Variants in PTPRD observed in about 807,000 individuals in gnomAD.
PTPRD encodes the protein protein tyrosine phosphatase receptor type D.
Under a neutral mutation model 214.5 loss-of-function variants are expected in PTPRD, and 34 were observed. The ratio of observed to expected loss-of-function variants is 0.16; its 90% CI spans 0.12 to 0.21. The LOEUF (loss-of-function observed/expected upper bound fraction) is 0.21. PTPRD is among the 10% of genes least tolerant of loss of function. PTPRD has a pLI of 1.00. For missense variants in PTPRD, 2,545 were observed against 2,398.7 expected (o/e 1.06, Z -1.27); for synonymous variants, 1,128 against 845.7 (o/e 1.33, Z -5.79).
At chr9:8,592,173 G>T (rs2094154507) in intron 14 of PTPRD, among the ~76,000 whole-genome samples, 1 of 152,122 alleles carries the variant, frequency 6.6e-6, no homozygotes, top group Non-Finnish European at 1.5e-5. Flanking sequence ...GATTTGTCTT[G>T]ATACTAAACC....
Position 8,315,707 on chromosome 9 carries a change from G to T in PTPRD, c.*2167C>A, listed in dbSNP as rs1227003705. ...CAAATACAATGCTTGCAAATGTTTG[G>T]TCTCTTGGATTTCACTCTGCTAGCA... On this transcript the variant is annotated 3_prime_UTR_variant, in exon 46 of 46. Coordinates refer to ENST00000381196, the MANE Select transcript of PTPRD (RefSeq NM_002839.4). The T allele has an allele frequency of 8.8e-6, 2 of 227,964 alleles. No individual in the cohort carries two copies. The highest frequency in any genetic ancestry group is 1.3e-3 in the Middle Eastern group (1 of 786). The allele number at this position is 227,964 out of a possible 1,614,324, so 14.1% of individuals were successfully genotyped here. A position where few individuals can be genotyped will look rare whatever the true frequency, so the allele number is the denominator to read the frequency against.
chr9:9,518,803 A>G (rs1277537669), intron 8 of PTPRD, among the ~76,000 whole-genome samples: 1 of 152,030 alleles, frequency 6.6e-6, no homozygotes, highest in Admixed American at 6.6e-5. Flanking sequence ...AGTAAGAAAG[A>G]TTCACCTAGG....
rs371492705 is a variant in PTPRD, at chr9:8,498,759, G to T, written c.2322+888C>A. Among the ~76,000 whole-genome samples the T allele has an allele frequency of 1.6e-4, 25 of 152,200 alleles. No homozygotes were observed. In the South Asian group the frequency reaches 5.0e-3, roughly 30 times the overall value. ...TCTCATCACCATTTGACACAGCAAA[G>T]GTAAGCCAGTACATGAGTCATGTAC... On this transcript the variant is annotated intron_variant, in intron 25 of 45. Transcript: ENST00000381196.
At chr9:8,748,390 A>G (rs2093090085) in intron 11 of PTPRD, among the ~76,000 whole-genome samples, 1 of 152,146 alleles carries the variant, frequency 6.6e-6, no homozygotes, top group South Asian at 2.1e-4. Flanking sequence ...GCCTGAGAGC[A>G]CAGCAGGAGG....
At chr9:10,135,484 T>C (rs750338765) in intron 3 of PTPRD, among the ~76,000 whole-genome samples, 4 of 151,952 alleles carry the variant, frequency 2.6e-5, no homozygotes, top group Non-Finnish European at 5.9e-5. Flanking sequence ...TAAAAAGAAG[T>C]GTCAGATCAC....
chr9:9,631,633 C>T (rs922399750), intron 7 of PTPRD, among the ~76,000 whole-genome samples: 1 of 152,226 alleles, frequency 6.6e-6, no homozygotes, highest in East Asian at 1.9e-4. Flanking sequence ...AGCGCAGACA[C>T]AAGCAATGTC....
At chr9:10,458,547 G>A (rs950894880) in intron 2 of PTPRD, among the ~76,000 whole-genome samples, 5 of 152,110 alleles carry the variant, frequency 3.3e-5, no homozygotes, top group Non-Finnish European at 4.4e-5. Flanking sequence ...GTTCTTCACC[G>A]TAGTAAAGGA....
chr9:9,573,078 C>A (rs1238057296), intron 8 of PTPRD, among the ~76,000 whole-genome samples: 9 of 151,454 alleles, frequency 5.9e-5, no homozygotes, highest in Admixed American at 5.9e-4. Context: ...ATTGATAAAG[C>A]CAAAGTCTGG....
At chr9:9,379,605 G>A (rs1323016783) in intron 9 of PTPRD, among the ~76,000 whole-genome samples, 1 of 151,976 alleles carries the variant, frequency 6.6e-6, no homozygotes, top group South Asian at 2.1e-4. Flanking sequence ...GGATTGCATT[G>A]AATCTACAGA....
At chr9:9,526,363 G>A (rs1429321161) in intron 8 of PTPRD, among the ~76,000 whole-genome samples, 1 of 152,128 alleles carries the variant, frequency 6.6e-6, no homozygotes, top group Non-Finnish European at 1.5e-5. Flanking sequence ...AGGTCATAGG[G>A]TATGCCTACC....
chr9:10,370,039 A>T (rs2097581131), intron 2 of PTPRD, among the ~76,000 whole-genome samples: 1 of 152,056 alleles, frequency 6.6e-6, no homozygotes, highest in Non-Finnish European at 1.5e-5. Flanking sequence ...TTTTCTACAG[A>T]TGTTGAAACT....
chr9:10,016,942 G>A (rs2096730246), intron 4 of PTPRD, among the ~76,000 whole-genome samples: 1 of 152,176 alleles, frequency 6.6e-6, no homozygotes, highest in African/African-American at 2.4e-5. Flanking sequence ...TGGGATTACA[G>A]GAGTGAGCCA....
chr9:9,424,534 G>C (rs767862385), intron 8 of PTPRD, among the ~76,000 whole-genome samples: 1 of 152,116 alleles, frequency 6.6e-6, no homozygotes, highest in Non-Finnish European at 1.5e-5. Context: ...AGGTTTTTGA[G>C]AATTTAGGGA....
chr9:9,428,297 G>C (rs184656359), intron 8 of PTPRD, among the ~76,000 whole-genome samples: 2 of 152,100 alleles, frequency 1.3e-5, no homozygotes, highest in African/African-American at 2.4e-5. Context: ...AACCAACAAA[G>C]ATCAGAAGAG....
intron 8 of PTPRD, among the ~76,000 whole-genome samples, chr9:9,557,340 CTT>C (rs1049796754): frequency 5.9e-5 from 9 of 152,264 alleles, no homozygotes; most frequent in Admixed American, 2.6e-4. Flanking sequence ...AAAGCAGACT[CTT>C]TGTACCAATA....
chr9:9,227,525 C>T (rs1050253191), intron 9 of PTPRD, among the ~76,000 whole-genome samples: 1 of 152,120 alleles, frequency 6.6e-6, no homozygotes, highest in Non-Finnish European at 1.5e-5. Context: ...TGACACTCCT[C>T]CCTATAAGAG....
At chr9:9,503,428 A>G (rs550936860) in intron 8 of PTPRD, among the ~76,000 whole-genome samples, 66 of 151,784 alleles carry the variant, frequency 4.3e-4, no homozygotes, top group Admixed American at 9.2e-4. Flanking sequence ...CACACTACAC[A>G]TGCCACACAT....
At chr9:9,982,691 G>C (rs1037679641) in intron 4 of PTPRD, among the ~76,000 whole-genome samples, 2 of 151,830 alleles carry the variant, frequency 1.3e-5, no homozygotes, top group East Asian at 1.9e-4. Flanking sequence ...CCTATGATTA[G>C]TTTTTGTTTT....
rs187727134 is a variant in PTPRD, at chr9:10,482,955, C to A, written c.-600+129443G>T. ...AGATAATCTTGAAATTCATATGGAA[C>A]CAAAAAAGAGCAGAAATAGCCAAGG... On this transcript the variant is annotated intron_variant, in intron 2 of 45. Transcript: ENST00000381196. Among the ~76,000 whole-genome samples, 3 of 151,982 alleles carry A rather than the reference C, an allele frequency of 2.0e-5. No individual in the cohort carries two copies. In the South Asian group the frequency reaches 6.2e-4, roughly 31 times the overall value.
Sources: gnomAD v4.1 joint callset for allele counts (sites outside exome capture counted in the v4.1 genomes callset) on GRCh38, gnomAD v4.1.1 for gene constraint, MANE v1.5 for transcripts, NCBI Gene and HGNC (gene_info 2026-07-23, HGNC 2026-07-21) for gene names.